The following FOXP1 variants were observed in gnomAD, a reference collection of about 807,000 sequenced individuals.
FOXP1 encodes the protein forkhead box P1, also known as forkhead box protein P1.
FOXP1 carries 15 observed loss-of-function variants against 98.2 expected under a neutral mutation model. That is an observed-to-expected ratio of 0.15 (90% confidence interval 0.10 to 0.24). FOXP1 has a LOEUF of 0.24. Among genes scored for constraint, FOXP1 ranks in the 10% least tolerant of loss-of-function variants. FOXP1 has a pLI of 1.00. For missense variants in FOXP1, 633 were observed against 848.5 expected (o/e 0.75, Z 3.15); for synonymous variants, 371 against 314.5 (o/e 1.18, Z -1.90).
At chr3:71,306,647 A>C (rs1328238913) in intron 4 of FOXP1, among the ~76,000 whole-genome samples, 8 of 150,782 alleles carry the variant, frequency 5.3e-5, no homozygotes, top group African/African-American at 1.2e-4. Flanking sequence ...AAAAAAAAAA[A>C]AAAAAAAAAC....
At chr3:71,280,122 CAAACAAAAAA>C (rs1560232705) in intron 5 of FOXP1, among the ~76,000 whole-genome samples, 1 of 26,086 alleles carries the variant, frequency 3.8e-5, no homozygotes, top group African/African-American at 1.6e-4. Context: ...GACTCTGTCT[CAAACAAAAAA>C]AAAAAAAAAA....
intron 3 of FOXP1, among the ~76,000 whole-genome samples, chr3:71,411,467 C>A (rs1174553898): frequency 6.6e-6 from 1 of 152,146 alleles, no homozygotes; most frequent in African/African-American, 2.4e-5. Context: ...CACACACAGG[C>A]ATCCGCCACC....
chr3:71,221,137 C>A (rs902527462), intron 5 of FOXP1, among the ~76,000 whole-genome samples: 3 of 152,132 alleles, frequency 2.0e-5, no homozygotes, highest in African/African-American at 7.2e-5. Flanking sequence ...GGCATCACCG[C>A]CTGAGCTCCG....
chr3:71,071,394 C>T (rs946759949), intron 7 of FOXP1, among the ~76,000 whole-genome samples: 1 of 152,136 alleles, frequency 6.6e-6, no homozygotes, highest in African/African-American at 2.4e-5. Context: ...TTTTCTAGTC[C>T]ACAGAGGCCT....
intron 12 of FOXP1, among the ~76,000 whole-genome samples, chr3:71,008,322 G>A (rs572382744): frequency 1.3e-5 from 2 of 152,116 alleles, no homozygotes; most frequent in South Asian, 2.1e-4. Context: ...ACAAATCCAC[G>A]TTTTTACTAG....
chr3:71,349,274 A>C (rs2077610513), intron 4 of FOXP1, among the ~76,000 whole-genome samples: 2 of 152,262 alleles, frequency 1.3e-5, no homozygotes, highest in Non-Finnish European at 2.9e-5. Flanking sequence ...GCAGGAGGAA[A>C]TAATTTTTAT....
At chr3:71,525,316 C>G (rs895185453) in intron 2 of FOXP1, among the ~76,000 whole-genome samples, 1 of 152,112 alleles carries the variant, frequency 6.6e-6, no homozygotes, top group Non-Finnish European at 1.5e-5. Flanking sequence ...AAGACAGCAA[C>G]GAAAATTATG....
intron 3 of FOXP1, among the ~76,000 whole-genome samples, chr3:71,460,156 A>C (rs149276206): frequency 3.9e-5 from 6 of 151,944 alleles, no homozygotes; most frequent in African/African-American, 1.4e-4. Context: ...GGATGGTCTC[A>C]ATCTCCTGAC....
In FOXP1 at chr3:71,197,665, T is replaced by A. The variant is rs2293138; in HGVS notation, c.180+537A>T. 0.35 allele frequency among the ~76,000 whole-genome samples: 52,526 copies of A among 152,078 alleles called. 12,687 individuals carry two copies. Among genetic ancestry groups the A allele is most frequent in the African/African-American group, 0.68 (28,114 of 41,462 alleles). On this transcript the variant is annotated intron_variant, in intron 6 of 20. Transcript: ENST00000649528. ...AATACTCTATACCCCCAAATCCTAC[T>A]CGTAGAGGGAAGCAGCTTCCTACAG...
intron 14 of FOXP1, among the ~76,000 whole-genome samples, chr3:70,985,392 T>TC (rs1280800561): frequency 1.3e-5 from 2 of 152,062 alleles, no homozygotes; most frequent in Admixed American, 1.3e-4. Context: ...CTTTTTTTTT[T>TC]CTTTTTGGCA....
chr3:71,241,159 G>A (rs1408858235), intron 5 of FOXP1, among the ~76,000 whole-genome samples: 4 of 151,418 alleles, frequency 2.6e-5, no homozygotes, highest in African/African-American at 4.9e-5. Context: ...GCAGTGAGTC[G>A]AGATCCCACC....
intron 13 of FOXP1, among the ~76,000 whole-genome samples, chr3:70,992,224 T>C (rs1444094875): frequency 6.6e-6 from 1 of 152,202 alleles, no homozygotes; most frequent in Non-Finnish European, 1.5e-5. Flanking sequence ...TGAGAGACAC[T>C]ACTTTCTGCC....
At chr3:71,392,307 T>C (rs2081093382) in intron 3 of FOXP1, among the ~76,000 whole-genome samples, 1 of 152,224 alleles carries the variant, frequency 6.6e-6, no homozygotes, top group Non-Finnish European at 1.5e-5. Flanking sequence ...TATGTTACAT[T>C]ATACTCAGCA....
intron 3 of FOXP1, among the ~76,000 whole-genome samples, chr3:71,376,152 A>G (rs562640560): frequency 1.3e-5 from 2 of 152,298 alleles, no homozygotes; most frequent in South Asian, 4.1e-4. Flanking sequence ...ATGGGCCATA[A>G]TAATGTAACA....
intron 5 of FOXP1, among the ~76,000 whole-genome samples, chr3:71,198,904 G>A (rs1253414983): frequency 6.6e-6 from 1 of 151,822 alleles, no homozygotes; most frequent in Non-Finnish European, 1.5e-5. Context: ...CACCATGTTG[G>A]TTAGGCTGGT....
At chr3:71,453,970 C>G (rs2087194178) in intron 3 of FOXP1, among the ~76,000 whole-genome samples, 1 of 152,176 alleles carries the variant, frequency 6.6e-6, no homozygotes, top group Non-Finnish European at 1.5e-5. Flanking sequence ...GGCTGTAACT[C>G]TGAAACAGGC....
chr3:71,462,655 G>T (rs763498698), intron 3 of FOXP1, among the ~76,000 whole-genome samples: 1 of 152,188 alleles, frequency 6.6e-6, no homozygotes, highest in Non-Finnish European at 1.5e-5. Flanking sequence ...ATGTGAGAGG[G>T]AAATCATTGC....
rs11286158 is a variant in FOXP1 at position 71,347,886 on chromosome 3, C to CA, written c.-73+11263dup. Among the ~76,000 whole-genome samples the CA allele has an allele frequency of 2.9e-3, 423 of 144,670 alleles. 1 individual carries two copies. Among genetic ancestry groups the CA allele is most frequent in the African/African-American group, 8.9e-3 (343 of 38,468 alleles). The allele number at this position is 144,670 out of a possible 152,430, so 94.9% of individuals were successfully genotyped here. A position where few individuals can be genotyped will look rare whatever the true frequency, so the allele number is the denominator to read the frequency against. ...GCAACAAGAGCAAAACTCTGTCTCA[C>CA]AAAAAAAAAAAACAGAGTTGTCCCT... On this transcript the variant is annotated intron_variant, in intron 4 of 20. Transcript: ENST00000649528.
At chr3:71,245,085 G>A (rs2067621149) in intron 5 of FOXP1, 1 of 152,192 alleles carries the variant, frequency 6.6e-6, no homozygotes, top group Non-Finnish European at 1.5e-5. Context: ...AGTGGCAGAA[G>A]CGAGAGTTCC....
Sources: gnomAD v4.1 joint callset for allele counts (sites outside exome capture counted in the v4.1 genomes callset) on GRCh38, gnomAD v4.1.1 for gene constraint, MANE v1.5 for transcripts, NCBI Gene and HGNC (gene_info 2026-07-23, HGNC 2026-07-21) for gene names.